The following HCN1 variants were observed in gnomAD, a reference collection of about 807,000 sequenced individuals.
The protein encoded by HCN1 is hyperpolarization activated cyclic nucleotide gated potassium channel 1.
In HCN1, 13 loss-of-function variants were observed where a neutral mutation model predicts 78.9. The ratio of observed to expected loss-of-function variants is 0.16; its 90% CI spans 0.11 to 0.26. The LOEUF is 0.26. Ranked by LOEUF, HCN1 falls within the 10% of genes least tolerant of loss-of-function variation. The pLI is 1.00. For missense variants in HCN1, 810 were observed against 1,154.3 expected (o/e 0.70, Z 4.32); for synonymous variants, 552 against 455.5 (o/e 1.21, Z -2.70).
At chr5:45,501,743 A>C (rs762504838) in intron 2 of HCN1, among the ~76,000 whole-genome samples, 24 of 152,122 alleles carry the variant, frequency 1.6e-4, no homozygotes, top group Non-Finnish European at 3.4e-4. Flanking sequence ...CCCAGCCACA[A>C]ATTTCACATT....
chr5:45,401,439 A>T (rs553162632), intron 3 of HCN1, among the ~76,000 whole-genome samples: 1 of 152,106 alleles, frequency 6.6e-6, no homozygotes, highest in East Asian at 1.9e-4. Context: ...CTAATTTATC[A>T]TTTGCCTATT....
At chr5:45,504,816 A>C (rs1270933708) in intron 2 of HCN1, among the ~76,000 whole-genome samples, 11 of 152,034 alleles carry the variant, frequency 7.2e-5, no homozygotes, top group Non-Finnish European at 1.6e-4. Context: ...ATGGTATCTC[A>C]TTGTGGTTTT....
chr5:45,499,710 A>T (rs1742149907), intron 2 of HCN1, among the ~76,000 whole-genome samples: 1 of 152,212 alleles, frequency 6.6e-6, no homozygotes, highest in Non-Finnish European at 1.5e-5. Flanking sequence ...AAATAGCTTC[A>T]CTGTCACACT....
chr5:45,562,091 G>A (rs1743616366), intron 2 of HCN1, among the ~76,000 whole-genome samples: 1 of 152,206 alleles, frequency 6.6e-6, no homozygotes, highest in Non-Finnish European at 1.5e-5. Context: ...TTGAACAGAA[G>A]TACAGGTGGC....
At chr5:45,560,834 G>T (rs929085909) in intron 2 of HCN1, among the ~76,000 whole-genome samples, 14 of 151,928 alleles carry the variant, frequency 9.2e-5, no homozygotes, top group African/African-American at 3.1e-4. Flanking sequence ...TTTCTTTAAA[G>T]ATTCATTTTC....
chr5:45,389,679 C>T (rs1302514480), intron 4 of HCN1, among the ~76,000 whole-genome samples: 1 of 152,116 alleles, frequency 6.6e-6, no homozygotes, highest in East Asian at 1.9e-4. Context: ...TTGGATCCTA[C>T]TTACTTATAA....
chr5:45,696,254 C>T lies in HCN1; in HGVS notation c.-161G>A. 1 of 185,562 alleles carries T rather than the reference C, an allele frequency of 5.4e-6. No individual in the cohort carries two copies. Among genetic ancestry groups the T allele is most frequent in the Non-Finnish European group, 1.1e-5 (1 of 95,146 alleles). 11.5% of individuals were successfully genotyped at this position (185,562 alleles called of 1,614,324 possible). A position where few individuals can be genotyped will look rare whatever the true frequency, so the allele number is the denominator to read the frequency against. ...GCGGCGGCGGCTGCTGCTTCCCGAC[C>T]GCGCCGCTGCTAGCTGCGCGCCTGG... On this transcript the variant is annotated 5_prime_UTR_variant, in exon 1 of 8. Transcript: ENST00000303230.
chr5:45,682,256 C>CATATATATATATATACATAT (rs1380857841), intron 1 of HCN1, among the ~76,000 whole-genome samples: 1 of 132,152 alleles, frequency 7.6e-6, no homozygotes, highest in African/African-American at 2.9e-5. Context: ...AACAAGATAT[C>CATATATATATATATACATAT]ATATATATAT....
intron 5 of HCN1, among the ~76,000 whole-genome samples, chr5:45,328,417 T>A (rs1047368925): frequency 1.3e-5 from 2 of 151,624 alleles, no homozygotes; most frequent in Non-Finnish European, 3.0e-5. Flanking sequence ...ATGACCAGCA[T>A]CACTACTGAT....
intron 6 of HCN1, among the ~76,000 whole-genome samples, chr5:45,286,304 T>A (rs1448971212): frequency 1.3e-5 from 2 of 152,048 alleles, no homozygotes; most frequent in Non-Finnish European, 2.9e-5. Flanking sequence ...TGAATATTAT[T>A]ATGTAAAAAT....
At chr5:45,496,353 T>A (rs1742029740) in intron 2 of HCN1, among the ~76,000 whole-genome samples, 6 of 151,872 alleles carry the variant, frequency 4.0e-5, no homozygotes, top group Admixed American at 3.9e-4. Flanking sequence ...TCGAGGAATG[T>A]ATCCATTTCT....
intron 5 of HCN1, among the ~76,000 whole-genome samples, chr5:45,320,440 T>C (rs1746101755): frequency 6.6e-6 from 1 of 152,034 alleles, no homozygotes; most frequent in African/African-American, 2.4e-5. Context: ...TATTGAGTTC[T>C]TGCTGGGTTT....
At chr5:45,632,659 A>G (rs938457692) in intron 2 of HCN1, among the ~76,000 whole-genome samples, 4 of 152,054 alleles carry the variant, frequency 2.6e-5, no homozygotes, top group Non-Finnish European at 5.9e-5. Flanking sequence ...AACAACAGCA[A>G]TGACAATAAA....
intron 3 of HCN1, among the ~76,000 whole-genome samples, chr5:45,448,148 C>A (rs1424453253): frequency 6.6e-6 from 1 of 151,998 alleles, no homozygotes; most frequent in Non-Finnish European, 1.5e-5. Context: ...ATTCATACAT[C>A]ATTTTCATAT....
intron 2 of HCN1, among the ~76,000 whole-genome samples, chr5:45,571,898 G>A (rs967106964): frequency 1.3e-5 from 2 of 152,084 alleles, no homozygotes; most frequent in South Asian, 2.1e-4. Context: ...TGGGCAACAC[G>A]AGTGAAATTC....
intron 2 of HCN1, among the ~76,000 whole-genome samples, chr5:45,578,165 A>C (rs780047687): frequency 2.6e-5 from 4 of 152,026 alleles, no homozygotes; most frequent in Non-Finnish European, 4.4e-5. Context: ...TAGATGACCC[A>C]CCACAGTGTC....
intron 1 of HCN1, among the ~76,000 whole-genome samples, chr5:45,656,820 C>T (rs1745771116): frequency 6.6e-6 from 1 of 151,994 alleles, no homozygotes; most frequent in Non-Finnish European, 1.5e-5. Flanking sequence ...AAATAATCAA[C>T]CTCTACTTAT....
chr5:45,562,682 G>C (rs754831239), intron 2 of HCN1, among the ~76,000 whole-genome samples: 1 of 152,164 alleles, frequency 6.6e-6, no homozygotes, highest in Admixed American at 6.5e-5. Context: ...TATTAAGAAT[G>C]TGAGAATTGT....
intron 2 of HCN1, among the ~76,000 whole-genome samples, chr5:45,471,557 G>A (rs1254866829): frequency 6.6e-6 from 1 of 151,862 alleles, no homozygotes; most frequent in Non-Finnish European, 1.5e-5. Context: ...TTTTATAGAT[G>A]TATTCCTTTA....
Sources: gnomAD v4.1 joint callset for allele counts (sites outside exome capture counted in the v4.1 genomes callset) on GRCh38, gnomAD v4.1.1 for gene constraint, MANE v1.5 for transcripts, NCBI Gene and HGNC (gene_info 2026-07-23, HGNC 2026-07-21) for gene names.